The following BTAF1 variants were observed in gnomAD, a reference collection of about 807,000 sequenced individuals.
The protein encoded by BTAF1 is TATA-binding protein-associated factor 172.
A neutral mutation model predicts 227.1 loss-of-function variants in BTAF1; 38 were observed. That is an observed-to-expected ratio of 0.17 (90% confidence interval 0.13 to 0.22). The LOEUF is 0.22. Among genes scored for constraint, BTAF1 ranks in the 10% least tolerant of loss-of-function variants. BTAF1 has a pLI of 1.00. For synonymous variants in BTAF1, 742 were observed against 751.9 expected, an observed-to-expected ratio of 0.99 and a Z score of 0.21; for missense variants, 1,598 against 2,204.0, an observed-to-expected ratio of 0.73 and a Z score of 5.51.
Position 91,982,571 on chromosome 10 carries a change from T to A in BTAF1, c.2049-16T>A, listed in dbSNP as rs1179851372. On this transcript the variant is annotated splice_polypyrimidine_tract_variant and intron_variant, in intron 17 of 37. Transcript: ENST00000265990. ...CAAGTAATTTCTTATAGTAACTTCC[T>A]TTTTCTCCCTCTTAGGTTGTTAGGA... 1 of 1,579,636 alleles carries A rather than the reference T, an allele frequency of 6.3e-7. No homozygotes were observed. Among genetic ancestry groups the A allele is most frequent in the African/African-American group, 1.4e-5 (1 of 73,456 alleles).
chr10:91,966,586 A>G (rs760500317), intron 13 of BTAF1, 51 bp from the exon 14 acceptor site: 1 of 1,580,136 alleles, frequency 6.3e-7, no homozygotes, highest in South Asian at 1.1e-5. Context: ...TAATGTATCT[A>G]CAGAGTTACA....
At chr10:92,004,930 A>G (rs763509647) in intron 25 of BTAF1, among the ~76,000 whole-genome samples, 6 of 152,170 alleles carry the variant, frequency 3.9e-5, no homozygotes, top group Non-Finnish European at 7.3e-5. Context: ...AACTTGGTGT[A>G]AGATACAAAG....
At chr10:91,934,402 G>C (rs1844464158) in intron 1 of BTAF1, among the ~76,000 whole-genome samples, 1 of 151,756 alleles carries the variant, frequency 6.6e-6, no homozygotes, top group African/African-American at 2.4e-5. Context: ...ACACCTGGCT[G>C]ATTTTTGTAT....
Position 91,966,754 on chromosome 10 carries a change from C to A in BTAF1, c.1647C>A (p.Asp549Glu). The A allele has an allele frequency of 6.2e-7, 1 of 1,613,518 alleles. No individual in the cohort carries two copies. Among genetic ancestry groups the A allele is most frequent in the Non-Finnish European group, 8.5e-7 (1 of 1,179,706 alleles). Residue 549 changes from aspartate (D) to glutamate (E), a missense_variant, in exon 14 of 38, where the codon GAC becomes GAA. Physicochemically the swap from Asp to Glu is conservative, Grantham distance 45. This residue lies in a region of BTAF1 where 318 missense variants were observed against 435.0 expected (regional missense o/e 0.73). Coordinates refer to ENST00000265990, the MANE Select transcript of BTAF1 (RefSeq NM_003972.3). ...TGTTTACGTTATTATCAACACAGGA[C>A]CAGGTAAGAACTGATAACTATAGCA... ...ETLFTLLSTQ[D>E]QNSSSWLIPI... is the part of the protein sequence containing the mutation.
chr10:91,955,004 A>C (rs562151067), intron 6 of BTAF1, among the ~76,000 whole-genome samples: 6 of 152,378 alleles, frequency 3.9e-5, no homozygotes, highest in Non-Finnish European at 7.3e-5. Flanking sequence ...ATATGTATTC[A>C]CATAAAGCTA....
intron 5 of BTAF1, among the ~76,000 whole-genome samples, chr10:91,952,486 C>A (rs552489048): frequency 2.0e-5 from 3 of 152,168 alleles, no homozygotes; most frequent in Non-Finnish European, 4.4e-5. Flanking sequence ...TTTACCTGAC[C>A]CCCAGTATTC....
rs773139574 is a variant in BTAF1, at chr10:92,024,772, G to A, written c.4880G>A (p.Gly1627Asp). The A allele has an allele frequency of 1.9e-6, 3 of 1,598,228 alleles. No homozygotes were observed. In the African/African-American group the frequency reaches 4.1e-5, roughly 22 times the overall value. The change falls in exon 35 of 38, where the codon GGT (glycine) becomes GAT (aspartate). Residue 1627 changes from glycine to aspartate, a missense_variant. Around this residue, in one of 10 missense-constraint regions of BTAF1, gnomAD observed 205 missense variants for 244.5 expected, o/e 0.84. Coordinates refer to ENST00000265990, the MANE Select transcript of BTAF1 (RefSeq NM_003972.3). Reference sequence around the variant, plus strand: ...CTTCCTAAGTTGCTGTTGGACTGCGGTTTGGGAAATGGCAGCACTTCCGAG... The same window carrying A: ...CTTCCTAAGTTGCTGTTGGACTGCGATTTGGGAAATGGCAGCACTTCCGAG... ...SALKQLLLDC[G>D]LGNGSTSESG...
At chr10:91,982,839 G>A (rs1193553299) in intron 18 of BTAF1, 78 bp downstream of exon 18, 1 of 1,371,306 alleles carries the variant, frequency 7.3e-7, no homozygotes, top group Non-Finnish European at 9.7e-7. Context: ...ATTTACAACA[G>A]AAAAGTGAAA....
chr10:91,984,892 A>G (rs1848300979), intron 19 of BTAF1, among the ~76,000 whole-genome samples: 1 of 152,304 alleles, frequency 6.6e-6, no homozygotes, highest in African/African-American at 2.4e-5. Flanking sequence ...CCATGAATCC[A>G]TCCAGGGCAG....
At chr10:91,976,541 A>G (rs1357481917) in intron 14 of BTAF1, among the ~76,000 whole-genome samples, 1 of 152,086 alleles carries the variant, frequency 6.6e-6, no homozygotes, top group Non-Finnish European at 1.5e-5. Flanking sequence ...CGTTAGCACA[A>G]ACTAGATTAT....
intron 32 of BTAF1, among the ~76,000 whole-genome samples, chr10:92,014,645 C>T (rs1669168783): frequency 6.6e-6 from 1 of 152,194 alleles, no homozygotes; most frequent in Non-Finnish European, 1.5e-5. Context: ...TCATGCTGTC[C>T]TCACAACATT....
At chr10:92,015,818 A>G (rs1850679352) in intron 32 of BTAF1, among the ~76,000 whole-genome samples, 2 of 152,156 alleles carry the variant, frequency 1.3e-5, no homozygotes, top group South Asian at 4.1e-4. Context: ...TTTAGCTTGT[A>G]CAAGATAGGA....
At chr10:91,997,527 A>G in intron 24 of BTAF1, 76 bp from the exon 25 acceptor site, 1 of 1,329,640 alleles carries the variant, frequency 7.5e-7, no homozygotes, top group Non-Finnish European at 1.0e-6. Flanking sequence ...TTAAAAAGTT[A>G]AAATCTTGGT....
intron 24 of BTAF1, 24 bp from the exon 25 acceptor site, chr10:91,997,579 A>C (rs369143658): frequency 2.5e-6 from 4 of 1,606,268 alleles, no homozygotes; most frequent in Non-Finnish European, 3.4e-6. Context: ...AACCATTTCA[A>C]AATTTCCTTA....
chr10:91,979,669 C>T (rs1847940505), intron 14 of BTAF1, among the ~76,000 whole-genome samples: 1 of 152,112 alleles, frequency 6.6e-6, no homozygotes, highest in African/African-American at 2.4e-5. Context: ...CATTTCTATC[C>T]AGTGAGCTTG....
chr10:91,999,863 C>T (rs1849394017), intron 25 of BTAF1, among the ~76,000 whole-genome samples: 1 of 151,846 alleles, frequency 6.6e-6, no homozygotes, highest in African/African-American at 2.4e-5. Context: ...AATTCAAAAA[C>T]AGGCAAAAGA....
intron 25 of BTAF1, among the ~76,000 whole-genome samples, chr10:92,002,302 A>C (rs1849602172): frequency 6.6e-6 from 1 of 152,188 alleles, no homozygotes; most frequent in South Asian, 2.1e-4. Flanking sequence ...CTTTTCTGAA[A>C]TGCATGTTGT....
chr10:92,004,961 A>G (rs1465559322), intron 25 of BTAF1, among the ~76,000 whole-genome samples: 3 of 152,200 alleles, frequency 2.0e-5, no homozygotes, highest in Admixed American at 6.5e-5. Flanking sequence ...ATTCTTCTGC[A>G]TGTGAATATC....
At chr10:91,936,136 T>C (rs1844593769) in intron 2 of BTAF1, among the ~76,000 whole-genome samples, 1 of 152,182 alleles carries the variant, frequency 6.6e-6, no homozygotes, top group Non-Finnish European at 1.5e-5. Flanking sequence ...TTGAAATACA[T>C]GAGAAGCTGG....
Sources: allele counts gnomAD v4.1 joint callset (sites outside exome capture counted in the v4.1 genomes callset), GRCh38; gene constraint gnomAD v4.1.1; regional missense constraint gnomAD v4.1.1; transcripts MANE v1.5; gene names NCBI Gene and HGNC (gene_info 2026-07-23, HGNC 2026-07-21).